The following FAF1 variants were observed in gnomAD, a reference collection of about 807,000 sequenced individuals.
The protein encoded by FAF1 is Fas associated factor 1, also known as FAS-associated factor 1.
Under a neutral mutation model 92.5 loss-of-function variants are expected in FAF1, and 25 were observed. The ratio of observed to expected loss-of-function variants is 0.27; its 90% CI spans 0.20 to 0.38. The LOEUF (loss-of-function observed/expected upper bound fraction) is 0.38. Among genes scored for constraint, FAF1 ranks in the 10% least tolerant of loss-of-function variants. FAF1 has a pLI of 1.00. For missense variants in FAF1, 636 were observed against 793.3 expected (o/e 0.80, Z 2.38); for synonymous variants, 234 against 273.2 (o/e 0.86, Z 1.42).
intron 18 of FAF1, among the ~76,000 whole-genome samples, chr1:50,463,131 T>C (rs1442771329): frequency 6.6e-6 from 1 of 152,202 alleles, no homozygotes; most frequent in Non-Finnish European, 1.5e-5. Context: ...TTTTGGTATA[T>C]GTCTGGCAGA....
At chr1:50,539,020 C>T (rs564840366) in intron 14 of FAF1, among the ~76,000 whole-genome samples, 4 of 152,218 alleles carry the variant, frequency 2.6e-5, no homozygotes, top group Non-Finnish European at 5.9e-5. Flanking sequence ...TACACCAACC[C>T]TTGGAGTGCA....
At chr1:50,922,113 G>A (rs1405670525) in intron 1 of FAF1, among the ~76,000 whole-genome samples, 2 of 150,220 alleles carry the variant, frequency 1.3e-5, no homozygotes, top group Admixed American at 6.7e-5. Flanking sequence ...GTTGCAGTGA[G>A]CTGAGATCAC....
Position 50,438,193 on chromosome 1 carries a change from G to T in FAF1, c.*3247C>A, listed in dbSNP as rs1049583947. Reference sequence around the variant, plus strand: ...AAAATGGAATCATCATCTCTGCCCTGCTTCCCTCATAGCGGGAGACTATTA... The same window carrying T: ...AAAATGGAATCATCATCTCTGCCCTTCTTCCCTCATAGCGGGAGACTATTA... On this transcript the variant is annotated 3_prime_UTR_variant, in exon 19 of 19. Coordinates refer to ENST00000396153, the MANE Select transcript of FAF1 (RefSeq NM_007051.3). The T allele has an allele frequency of 6.6e-6, 1 of 152,256 alleles. No individual in the cohort carries two copies. The highest frequency in any genetic ancestry group is 2.4e-5 in the African/African-American group (1 of 41,534). 9.4% of individuals were successfully genotyped at this position (152,256 alleles called of 1,614,324 possible). A position where few individuals can be genotyped will look rare whatever the true frequency, so the allele number is the denominator to read the frequency against.
At chr1:50,762,638 T>C (rs1202153442) in intron 4 of FAF1, among the ~76,000 whole-genome samples, 1 of 152,234 alleles carries the variant, frequency 6.6e-6, no homozygotes, top group Non-Finnish European at 1.5e-5. Context: ...GCTAGCCATA[T>C]GTAGAAAGCT....
intron 7 of FAF1, among the ~76,000 whole-genome samples, chr1:50,680,156 G>C (rs1485767817): frequency 1.3e-5 from 2 of 152,184 alleles, no homozygotes; most frequent in Non-Finnish European, 2.9e-5. Flanking sequence ...GTGTATAACA[G>C]ATTGATAATA....
intron 1 of FAF1, among the ~76,000 whole-genome samples, chr1:50,883,640 A>G (rs545354175): frequency 3.8e-4 from 58 of 152,326 alleles, no homozygotes; most frequent in African/African-American, 1.2e-3. Context: ...ACAAAGAGTT[A>G]GGAGACCTCT....
At chr1:50,528,384 A>G (rs1444305861) in intron 15 of FAF1, among the ~76,000 whole-genome samples, 1 of 152,218 alleles carries the variant, frequency 6.6e-6, no homozygotes, top group East Asian at 1.9e-4. Flanking sequence ...TTGATTTAAC[A>G]GAGAGGTAGA....
intron 4 of FAF1, among the ~76,000 whole-genome samples, chr1:50,751,214 A>AGAGG (rs1659853004): frequency 6.6e-6 from 1 of 151,834 alleles, no homozygotes; most frequent in Non-Finnish European, 1.5e-5. Flanking sequence ...TAAACTTGAT[A>AGAGG]GAGGGCATTG....
intron 8 of FAF1, among the ~76,000 whole-genome samples, chr1:50,636,514 C>A (rs79998886): frequency 0.026 from 3,980 of 151,192 alleles, 76 homozygotes; most frequent in Non-Finnish European, 0.036. Context: ...GCCTCCTGAG[C>A]AGCTAGGACT....
intron 15 of FAF1, among the ~76,000 whole-genome samples, chr1:50,508,240 C>G (rs559548797): frequency 6.6e-6 from 1 of 152,110 alleles, no homozygotes; most frequent in Non-Finnish European, 1.5e-5. Flanking sequence ...TAGGAATATG[C>G]CCCAAAGATC....
chr1:50,485,667 C>CAAAAAAAAAAAAAAAAAAAAAAAAA (rs999538430), intron 17 of FAF1, among the ~76,000 whole-genome samples: 3 of 13,720 alleles, frequency 2.2e-4, no homozygotes, highest in African/African-American at 4.7e-4. Flanking sequence ...GAGACTGTCT[C>CAAAAAAAAAAAAAAAAAAAAAAAAA]AAAAAAAAAA....
intron 8 of FAF1, among the ~76,000 whole-genome samples, chr1:50,642,408 T>G (rs1654379676): frequency 6.6e-6 from 1 of 152,044 alleles, no homozygotes; most frequent in Non-Finnish European, 1.5e-5. Context: ...CCCAGCACTT[T>G]GGGAGGCCGA....
chr1:50,778,838 GACACACACAC>G, intron 4 of FAF1, among the ~76,000 whole-genome samples: 2 of 147,580 alleles, frequency 1.4e-5, no homozygotes, highest in South Asian at 2.2e-4. Flanking sequence ...AAAACACACA[GACACACACAC>G]ACACACACAC....
At chr1:50,776,006 A>C (rs946579413) in intron 4 of FAF1, among the ~76,000 whole-genome samples, 2 of 152,160 alleles carry the variant, frequency 1.3e-5, no homozygotes, top group Non-Finnish European at 1.5e-5. Context: ...CAGCTAGAAG[A>C]AGCAGGAGCA....
At chr1:50,566,423 A>C (rs1650177065) in intron 13 of FAF1, among the ~76,000 whole-genome samples, 1 of 152,126 alleles carries the variant, frequency 6.6e-6, no homozygotes, top group South Asian at 2.1e-4. Context: ...CCACATGTGT[A>C]ATTAAACATG....
At chr1:50,513,217 C>T (rs576708061) in intron 15 of FAF1, among the ~76,000 whole-genome samples, 22 of 152,258 alleles carry the variant, frequency 1.4e-4, no homozygotes, top group Non-Finnish European at 2.6e-4. Context: ...TGGTGGTTCA[C>T]GCCTGTAATC....
chr1:50,747,172 A>C (rs1395638106), intron 4 of FAF1, among the ~76,000 whole-genome samples: 1 of 152,164 alleles, frequency 6.6e-6, no homozygotes, highest in African/African-American at 2.4e-5. Flanking sequence ...TGTGAGAAGA[A>C]GGCCACCATC....
intron 1 of FAF1, among the ~76,000 whole-genome samples, chr1:50,915,232 C>T (rs543775885): frequency 3.9e-5 from 6 of 151,982 alleles, no homozygotes; most frequent in Admixed American, 2.6e-4. Flanking sequence ...CAGCTGGCCA[C>T]GGTGGTACAT....
chr1:50,642,586 T>G (rs1012961039), intron 8 of FAF1, among the ~76,000 whole-genome samples: 5 of 151,452 alleles, frequency 3.3e-5, no homozygotes, highest in African/African-American at 9.7e-5. Context: ...GAGGCAGAGG[T>G]TGCAGTGAGC....
Sources: allele counts gnomAD v4.1 joint callset (sites outside exome capture counted in the v4.1 genomes callset), GRCh38; gene constraint gnomAD v4.1.1; transcripts MANE v1.5; gene names NCBI Gene and HGNC (gene_info 2026-07-23, HGNC 2026-07-21).